The following UBE3D variants were observed in gnomAD, a reference collection of about 807,000 sequenced individuals.
The protein encoded by UBE3D is E3 ubiquitin-protein ligase E3D.
A neutral mutation model predicts 49.6 loss-of-function variants in UBE3D; 48 were observed. The observed-to-expected ratio is 0.97, with a 90% CI of 0.77 to 1.23. The LOEUF is 1.23. Among genes scored for constraint, UBE3D ranks in the 50% most tolerant of loss-of-function variants. The pLI, the probability that UBE3D is intolerant of heterozygous loss-of-function variation, is 0.00. For missense variants in UBE3D, 452 were observed against 468.4 expected, an observed-to-expected ratio of 0.96 and a Z score of 0.32; for synonymous variants, 189 against 174.2, an observed-to-expected ratio of 1.08 and a Z score of -0.67.
At chr6:83,036,328 CTTT>C (rs1270252916) in intron 5 of UBE3D, 2 of 151,960 alleles carry the variant, frequency 1.3e-5, no homozygotes, top group Non-Finnish European at 2.9e-5. Context: ...CCGGCCTCTT[CTTT>C]AATTTTCAAT....
At chr6:82,948,124 T>C (rs1478085849) in intron 9 of UBE3D, among the ~76,000 whole-genome samples, 2 of 151,812 alleles carry the variant, frequency 1.3e-5, no homozygotes, top group Non-Finnish European at 2.9e-5. Context: ...GACAAATCTT[T>C]AGCCAGAATA....
chr6:82,919,915 GA>G (rs1372470345), intron 9 of UBE3D, among the ~76,000 whole-genome samples: 2 of 152,120 alleles, frequency 1.3e-5, no homozygotes, highest in Non-Finnish European at 2.9e-5. Flanking sequence ...TGGCAATTGG[GA>G]AACAATGTCA....
At chr6:83,005,624 T>C (rs1466053941) in intron 8 of UBE3D, among the ~76,000 whole-genome samples, 1 of 151,460 alleles carries the variant, frequency 6.6e-6, no homozygotes, top group East Asian at 2.0e-4. Context: ...CTCTATTTTT[T>C]TTTTTAATTA....
chr6:82,882,032 A>G, the UBE3D span, among the ~76,000 whole-genome samples: 1 of 152,014 alleles, frequency 6.6e-6, no homozygotes, highest in Non-Finnish European at 1.5e-5. Context: ...GCTGCTCTCC[A>G]CTTACAATGC....
chr6:83,024,099 A>C, intron 5 of UBE3D, 61 bp from the exon 6 acceptor site: 1 of 862,056 alleles, frequency 1.2e-6, no homozygotes. Context: ...ATTGTGGGCA[A>C]GTTGACTCCA....
At chr6:82,995,510 A>ACAAACACACACACG (rs1554199397) in intron 8 of UBE3D, among the ~76,000 whole-genome samples, 2 of 151,556 alleles carry the variant, frequency 1.3e-5, no homozygotes, top group African/African-American at 4.9e-5. Flanking sequence ...ACACACACAC[A>ACAAACACACACACG]CACACAGTCA....
At chr6:82,898,094 G>T (rs1217854544) in intron 9 of UBE3D, among the ~76,000 whole-genome samples, 1 of 151,792 alleles carries the variant, frequency 6.6e-6, no homozygotes, top group Non-Finnish European at 1.5e-5. Context: ...ATCATCACTG[G>T]TCATTAGAGA....
intron 8 of UBE3D, chr6:83,017,846 A>G (rs1780801392): frequency 1.3e-5 from 2 of 152,158 alleles, no homozygotes; most frequent in Non-Finnish European, 2.9e-5. Context: ...AAAGTAATAA[A>G]CCAAATATCC....
At chr6:83,025,174 A>G (rs1781366954) in intron 5 of UBE3D, among the ~76,000 whole-genome samples, 1 of 152,194 alleles carries the variant, frequency 6.6e-6, no homozygotes, top group African/African-American at 2.4e-5. Context: ...TTGATGTTCC[A>G]GTGCTCCTAC....
At chr6:82,954,143 T>C (rs1000482501) in intron 9 of UBE3D, among the ~76,000 whole-genome samples, 2 of 152,212 alleles carry the variant, frequency 1.3e-5, no homozygotes, top group African/African-American at 4.8e-5. Flanking sequence ...GTTTGGATTT[T>C]ATTTTCATTG....
At chr6:82,881,997 C>T in the UBE3D span, among the ~76,000 whole-genome samples, 1 of 152,182 alleles carries the variant, frequency 6.6e-6, no homozygotes. Flanking sequence ...CAGAACTTTC[C>T]TTCCTCCCGT....
intron 9 of UBE3D, among the ~76,000 whole-genome samples, chr6:82,926,156 T>C (rs907244273): frequency 2.0e-5 from 3 of 152,144 alleles, no homozygotes; most frequent in African/African-American, 7.2e-5. Flanking sequence ...AACTTGAAGG[T>C]AAAATGGAGT....
At chr6:83,020,331 A>T (rs1011791509) in intron 7 of UBE3D, among the ~76,000 whole-genome samples, 6 of 131,910 alleles carry the variant, frequency 4.5e-5, no homozygotes, top group African/African-American at 1.8e-4. Flanking sequence ...AACGCTAATC[A>T]TGTGATACTG....
At chr6:82,946,593 T>C (rs1478354823) in intron 9 of UBE3D, among the ~76,000 whole-genome samples, 1 of 152,010 alleles carries the variant, frequency 6.6e-6, no homozygotes, top group Non-Finnish European at 1.5e-5. Context: ...CAAAAATAAG[T>C]ACACAGAAAA....
rs574543557 is a variant in UBE3D, at chr6:82,992,134, C to T, written c.1010+26839G>A. 7.3e-5 allele frequency among the ~76,000 whole-genome samples: 11 copies of T among 150,924 alleles called. 1 individual carries two copies. In the East Asian group the frequency reaches 2.1e-3, roughly 29 times the overall value. ...TGTCTTGGAATAATAAGCACTCCAACATTTATAGGTCATGTCTCTAAGGTA... is the reference window on the plus strand; with the variant it reads ...TGTCTTGGAATAATAAGCACTCCAATATTTATAGGTCATGTCTCTAAGGTA... On this transcript the variant is annotated intron_variant, in intron 8 of 9. Transcript: ENST00000369747.
chr6:82,978,074 G>A (rs1777855992), intron 8 of UBE3D, among the ~76,000 whole-genome samples: 1 of 150,288 alleles, frequency 6.7e-6, no homozygotes, highest in Admixed American at 6.6e-5. Flanking sequence ...GTGGGAAAGG[G>A]CATAAGCCAA....
intron 8 of UBE3D, among the ~76,000 whole-genome samples, chr6:82,982,849 A>T (rs530302423): frequency 3.3e-5 from 5 of 152,132 alleles, no homozygotes; most frequent in Non-Finnish European, 4.4e-5. Context: ...AACTTCCCCT[A>T]ATCACATATT....
chr6:83,005,618 ATT>A (rs1001542321), intron 8 of UBE3D, among the ~76,000 whole-genome samples: 1 of 143,478 alleles, frequency 7.0e-6, no homozygotes. Flanking sequence ...TGCGGTCTCT[ATT>A]TTTTTTTTTA....
intron 9 of UBE3D, among the ~76,000 whole-genome samples, chr6:82,901,441 A>G (rs1227675804): frequency 6.6e-6 from 1 of 152,180 alleles, no homozygotes; most frequent in African/African-American, 2.4e-5. Context: ...TTAAAAAGGC[A>G]AATTACTGTG....
Sources: allele counts gnomAD v4.1 joint callset (sites outside exome capture counted in the v4.1 genomes callset), GRCh38; gene constraint gnomAD v4.1.1; transcripts MANE v1.5; gene names NCBI Gene and HGNC (gene_info 2026-07-23, HGNC 2026-07-21).